The following TAOK1 variants were observed in gnomAD, a reference collection of about 807,000 sequenced individuals.
The protein encoded by TAOK1 is TAO kinase 1, also known as serine/threonine-protein kinase TAO1.
TAOK1 carries 21 observed loss-of-function variants against 138.3 expected under a neutral mutation model. The ratio of observed to expected loss-of-function variants is 0.15; its 90% confidence interval spans 0.11 to 0.22. The LOEUF is 0.22. Among genes scored for constraint, TAOK1 ranks in the 10% least tolerant of loss-of-function variants. The pLI is 1.00. For missense variants in TAOK1, 651 were observed against 1,227.7 expected (o/e 0.53, Z 7.02); for synonymous variants, 361 against 398.4 (o/e 0.91, Z 1.12).
intron 2 of TAOK1, among the ~76,000 whole-genome samples, chr17:29,458,799 A>ATTCTCC (rs553882423): frequency 5.3e-4 from 81 of 152,302 alleles, no homozygotes; most frequent in African/African-American, 1.9e-3. Flanking sequence ...GGTTCAAGCA[A>ATTCTCC]TTCTCCTGCC....
At chr17:29,483,403 G>A (rs566349160) in intron 8 of TAOK1, among the ~76,000 whole-genome samples, 1 of 152,178 alleles carries the variant, frequency 6.6e-6, no homozygotes, top group East Asian at 1.9e-4. Context: ...GAGTGACTAA[G>A]GATGGAAAAT....
intron 16 of TAOK1, among the ~76,000 whole-genome samples, chr17:29,519,811 C>T (rs956507300): frequency 6.6e-6 from 1 of 152,166 alleles, no homozygotes; most frequent in African/African-American, 2.4e-5. Context: ...TTAATACGCA[C>T]ATAGCATTTA....
chr17:29,439,722 G>T (rs574008634), intron 1 of TAOK1, among the ~76,000 whole-genome samples: 1 of 151,940 alleles, frequency 6.6e-6, no homozygotes, highest in African/African-American at 2.4e-5. Flanking sequence ...TGGAGTTATA[G>T]ATATCTAAAT....
intron 17 of TAOK1, among the ~76,000 whole-genome samples, chr17:29,527,247 T>G (rs2150770328): frequency 6.6e-6 from 1 of 151,696 alleles, no homozygotes; most frequent in South Asian, 2.1e-4. Context: ...GCCATGATCA[T>G]GCCACTGCAC....
In TAOK1 at chr17:29,397,607, C is replaced by CCCCAAAAA. The variant is rs60665025; in HGVS notation, c.-95+6583_-95+6584insCCCAAAAA. On this transcript the variant is annotated intron_variant, in intron 1 of 19. Transcript: ENST00000261716. ...AACAGAGTGAGATTCCGTCCCCCCC[C>CCCCAAAAA]AAAAAAATATATATATATATATACA... is the stretch of plus-strand genomic sequence containing the variant. Among the ~76,000 whole-genome samples the CCCCAAAAA allele has an allele frequency of 1.4e-3, 130 of 94,598 alleles. 4 individuals are homozygous for CCCCAAAAA. Among genetic ancestry groups the CCCCAAAAA allele is most frequent in the East Asian group, 3.7e-3 (13 of 3,544 alleles). 62.1% of individuals were successfully genotyped at this position (94,598 alleles called of 152,430 possible).
In TAOK1 at chr17:29,475,750, T is replaced by C. The variant is rs756523875; in HGVS notation, c.285T>C (p.Tyr95=). ...HPNSIEYKGC[Y]LREHTAWLVM... is the part of the protein sequence containing the mutation. ...ACAGTATAGAATACAAAGGCTGTTA[T>C]TTACGTGAACACACAGCATGGGTTG... The change falls in exon 4 of 20, where the codon TAT becomes TAC. Residue 95 remains tyrosine, a synonymous_variant. Transcript: ENST00000261716. 1 of 1,612,756 alleles carries C rather than the reference T, an allele frequency of 6.2e-7. No individual in the cohort carries two copies. Among genetic ancestry groups the C allele is most frequent in the Non-Finnish European group, 8.5e-7 (1 of 1,179,456 alleles).
rs2030723325 is a variant in TAOK1, at chr17:29,468,139, T to TTTTTTTTTTTTTTTTTTTTTTTTTTTC, written c.204+936_204+937insTTTTTTTTTTTTTCTTTTTTTTTTTTT. Among the ~76,000 whole-genome samples, 2 of 126,286 alleles carry TTTTTTTTTTTTTTTTTTTTTTTTTTTC rather than the reference T, an allele frequency of 1.6e-5. 1 individual carries two copies. The highest frequency in any genetic ancestry group is 3.3e-5 in the Non-Finnish European group (2 of 60,668). The allele number at this position is 126,286 out of a possible 152,430, so 82.8% of individuals were successfully genotyped here. On this transcript the variant is annotated intron_variant, in intron 3 of 19. Coordinates refer to ENST00000261716, the MANE Select transcript of TAOK1 (RefSeq NM_020791.4). Reference sequence around the variant, plus strand: ...ACTGTGCTTGGCCTGCTTTCAATTTTTTTTTTTTTTTTTAGGAGCTGGAGT... The same window carrying TTTTTTTTTTTTTTTTTTTTTTTTTTTC: ...ACTGTGCTTGGCCTGCTTTCAATTTTTTTTTTTTTTTTTTTTTTTTTTTTTTCTTTTTTTTTTTTTAGGAGCTGGAGT...
At chr17:29,442,010 C>G (rs757330692) in intron 1 of TAOK1, among the ~76,000 whole-genome samples, 1 of 151,786 alleles carries the variant, frequency 6.6e-6, no homozygotes, top group African/African-American at 2.4e-5. Context: ...TTTTCAAGAA[C>G]CAACTTCTTG....
At chr17:29,541,944 G>A (rs8081635) in intron 19 of TAOK1, among the ~76,000 whole-genome samples, 9 of 151,418 alleles carry the variant, frequency 5.9e-5, no homozygotes, top group African/African-American at 2.2e-4. Context: ...GCACGATCTC[G>A]GCTCACTGCA....
At chr17:29,408,599 G>T (rs1022261609) in intron 1 of TAOK1, among the ~76,000 whole-genome samples, 1 of 152,084 alleles carries the variant, frequency 6.6e-6, no homozygotes, top group African/African-American at 2.4e-5. Flanking sequence ...ATCAGTGGCT[G>T]TAACAATCAC....
At chr17:29,421,814 G>T (rs999214682) in intron 1 of TAOK1, among the ~76,000 whole-genome samples, 1 of 152,058 alleles carries the variant, frequency 6.6e-6, no homozygotes, top group African/African-American at 2.4e-5. Flanking sequence ...TGTTGCCCAG[G>T]CTGGTCTCAA....
rs575969559 is a variant in TAOK1 at position 29,460,544 on chromosome 17, G to A, written c.133-6601G>A. 2.6e-5 allele frequency among the ~76,000 whole-genome samples: 4 copies of A among 152,086 alleles called. No individual in the cohort carries two copies. The South Asian group carries it at 6.2e-4, about 24-fold the overall frequency. ...TGAAGTTGGTATGCCTAGGATCAAG[G>A]GTATAGTGGGAACTAAAGATGTAAT... On this transcript the variant is annotated intron_variant, in intron 2 of 19. Transcript: ENST00000261716.
chr17:29,459,611 G>A (rs1243626991), intron 2 of TAOK1, among the ~76,000 whole-genome samples: 1 of 152,100 alleles, frequency 6.6e-6, no homozygotes, highest in Non-Finnish European at 1.5e-5. Context: ...GTACTTCATT[G>A]TATAAATGTA....
At chr17:29,429,401 A>G (rs1191919824) in intron 1 of TAOK1, among the ~76,000 whole-genome samples, 2 of 151,652 alleles carry the variant, frequency 1.3e-5, no homozygotes, top group African/African-American at 2.4e-5. Flanking sequence ...TCAGCCTCCC[A>G]AGTAGCTGGA....
At chr17:29,397,733 A>G (rs1052920579) in intron 1 of TAOK1, among the ~76,000 whole-genome samples, 3 of 106,154 alleles carry the variant, frequency 2.8e-5, no homozygotes, top group Admixed American at 9.7e-5. Context: ...GTATATACAT[A>G]TATACACGTA....
At chr17:29,488,511 G>A (rs1363114830) in intron 8 of TAOK1, among the ~76,000 whole-genome samples, 1 of 151,870 alleles carries the variant, frequency 6.6e-6, no homozygotes, top group East Asian at 1.9e-4. Flanking sequence ...GGCGGAGGTA[G>A]TGGTGAGCCA....
At chr17:29,403,160 C>CAAAAAAAAAAAAAAA (rs34253777) in intron 1 of TAOK1, among the ~76,000 whole-genome samples, 1 of 60,040 alleles carries the variant, frequency 1.7e-5, no homozygotes, top group Non-Finnish European at 3.2e-5. Context: ...GATTTTGTCT[C>CAAAAAAAAAAAAAAA]AAAAAAAAAA....
rs755326470 is a variant in TAOK1 at position 29,511,006 on chromosome 17, A to G, written c.1704+14A>G. On this transcript the variant is annotated intron_variant, in intron 15 of 19. Transcript: ENST00000261716. The stretch of plus-strand genomic sequence containing the variant: ...CAGCTTAAAGAGGTACTTATGTCAT[A>G]AAACTTTCCAAGCAAATTTTCTGCT... 3.8e-6 allele frequency: 6 copies of G among 1,571,980 alleles called. 1 individual carries two copies. The South Asian group carries it at 7.2e-5, about 19-fold the overall frequency.
chr17:29,489,005 A>G (rs1365415354), intron 8 of TAOK1, among the ~76,000 whole-genome samples: 1 of 152,190 alleles, frequency 6.6e-6, no homozygotes, highest in African/African-American at 2.4e-5. Flanking sequence ...TACATGGGAT[A>G]TTATTGGGAC....
Sources: allele counts gnomAD v4.1 joint callset (sites outside exome capture counted in the v4.1 genomes callset), GRCh38; gene constraint gnomAD v4.1.1; transcripts MANE v1.5; gene names NCBI Gene and HGNC (gene_info 2026-07-23, HGNC 2026-07-21).